The following DICER1 variants were observed in gnomAD, a reference collection of about 807,000 sequenced individuals.
DICER1 encodes endoribonuclease Dicer.
In DICER1, 43 loss-of-function variants were observed where a neutral mutation model predicts 194.1. The ratio of observed to expected loss-of-function variants is 0.22; its 90% confidence interval spans 0.17 to 0.29. DICER1 has a LOEUF of 0.29. Among genes scored for constraint, DICER1 ranks in the 10% least tolerant of loss-of-function variants. DICER1 has a pLI of 1.00. For missense variants in DICER1, 1,608 were observed against 2,317.0 expected (o/e 0.69, Z 6.28); for synonymous variants, 832 against 820.5 (o/e 1.01, Z -0.24).
rs1893274304 is a variant in DICER1 at position 95,124,864 on chromosome 14, T to A, written c.904-196A>T. ...TTTCGTATGTATATGCCTAGAACCATCTCCTTTTTTCAATAAAATAATCAA... is the reference window on the plus strand; with the variant it reads ...TTTCGTATGTATATGCCTAGAACCAACTCCTTTTTTCAATAAAATAATCAA... On this transcript the variant is annotated intron_variant, in intron 7 of 26. Coordinates refer to ENST00000343455, the MANE Select transcript of DICER1 (RefSeq NM_177438.3). The surrounding 1 kb of genome is among the most constrained non-coding windows in gnomAD (Gnocchi z 4.5). 6.6e-6 allele frequency among the ~76,000 whole-genome samples: 1 copy of A among 152,144 alleles called. No individual in the cohort carries two copies. The highest frequency in any genetic ancestry group is 1.5e-5 in the Non-Finnish European group (1 of 68,028).
chr14:95,108,200 G>C lies in DICER1; in HGVS notation c.2437-107C>G. The C allele has an allele frequency of 2.3e-6, 3 of 1,282,796 alleles. No homozygotes were observed. Among genetic ancestry groups the C allele is most frequent in the Non-Finnish European group, 3.4e-6 (3 of 884,578 alleles). 79.5% of individuals were successfully genotyped at this position (1,282,796 alleles called of 1,614,324 possible). ...TGCTTTCTAGTGGAGAAATAGAAGA[G>C]GCACCTCGATCTTTAAATATTAAAC... On this transcript the variant is annotated intron_variant, in intron 15 of 26. Transcript: ENST00000343455.
chr14:95,133,439 T>C lies in DICER1; in HGVS notation c.20A>G (p.Gln7Arg), dbSNP rs117358479. MKSPAL[Q>R]PLSMAGLQLM... ...CTGCAGGCCTGCCATGCTGAGGGGTTGCAAAGCAGGGCTTTTCATTCATCC... is the reference window on the plus strand; with the variant it reads ...CTGCAGGCCTGCCATGCTGAGGGGTCGCAAAGCAGGGCTTTTCATTCATCC... The change falls in exon 2 of 27, where the codon CAA becomes CGA. Residue 7 changes from glutamine (Q) to arginine (R), a missense_variant. Physicochemically the swap from Gln to Arg is conservative, Grantham distance 43. Coordinates refer to ENST00000343455, the MANE Select transcript of DICER1 (RefSeq NM_177438.3). 3,738 of 1,613,722 alleles carry C rather than the reference T, an allele frequency of 2.3e-3. 5 individuals are homozygous for C. The highest frequency in any genetic ancestry group is 2.8e-3 in the Non-Finnish European group (3,317 of 1,179,800).
At chr14:95,106,354 T>C in intron 17 of DICER1, 131 bp from the exon 18 acceptor site, 3 of 723,666 alleles carry the variant, frequency 4.1e-6, no homozygotes, top group Non-Finnish European at 4.7e-6. Context: ...ACAATAAACA[T>C]CTGTATTCCA....
chr14:95,149,864 C>A (rs1476359591), intron 1 of DICER1, among the ~76,000 whole-genome samples: 1 of 152,112 alleles, frequency 6.6e-6, no homozygotes, highest in Non-Finnish European at 1.5e-5. Flanking sequence ...CTTTAAACAA[C>A]CCAAATTATT....
intron 14 of DICER1, 131 bp from the exon 15 acceptor site, chr14:95,108,634 C>A (rs1450596508): frequency 5.9e-6 from 5 of 849,724 alleles, no homozygotes; most frequent in Non-Finnish European, 9.7e-6. Context: ...ATACCCGAGG[C>A]ATGACACTTC....
rs1385329514 is a variant in DICER1 at position 95,124,651 on chromosome 14, A to C, written c.921T>G (p.Arg307=). 24 of 1,613,278 alleles carry C rather than the reference A, an allele frequency of 1.5e-5. No individual in the cohort carries two copies. Among genetic ancestry groups the C allele is most frequent in the African/African-American group, 2.7e-5 (2 of 74,924 alleles). The change falls in exon 8 of 27, where the codon CGT becomes CGG. Residue 307 remains arginine (R), a synonymous_variant. Coordinates refer to ENST00000343455, the MANE Select transcript of DICER1 (RefSeq NM_177438.3). This position sits in a 1 kb window ranked among gnomAD's most constrained non-coding sequence, Gnocchi z 4.5. ...AGGGTCCCAGAACTACCAATACGGC[A>C]CGACAGTCTGATAGTATCTACAAAA... The part of the protein sequence containing the change: ...LISKQILSDC[R]AVLVVLGPWC...
chr14:95,124,322 T>C lies in DICER1; in HGVS notation c.1250A>G (p.Asp417Gly), dbSNP rs1893199207. 3.1e-6 allele frequency: 5 copies of C among 1,613,892 alleles called. No homozygotes were observed. The highest frequency in any genetic ancestry group is 4.2e-6 in the Non-Finnish European group (5 of 1,179,820). Residue 417 changes from aspartate (D) to glycine (G), a missense_variant, in exon 8 of 27, where the codon GAT becomes GGT. By Grantham distance (94) the Asp-to-Gly change is moderately conservative. Around this residue, in one of 10 missense-constraint regions of DICER1, gnomAD observed 657 missense variants for 910.1 expected, o/e 0.72. Transcript: ENST00000343455. The surrounding 1 kb of genome is among the most constrained non-coding windows in gnomAD (Gnocchi z 4.5). ...DNYVSWSDSE[D>G]DDEDEEIEEK... ...TTCAATTTCTTCATCCTCATCATCA[T>C]CCTCAGAATCACTCCATGACACATA... is the stretch of plus-strand genomic sequence containing the variant.
intron 8 of DICER1, among the ~76,000 whole-genome samples, chr14:95,119,983 G>A (rs914298497): frequency 6.6e-6 from 1 of 152,096 alleles, no homozygotes; most frequent in Non-Finnish European, 1.5e-5. Context: ...CAATTAGAAT[G>A]AAAATAACAT....
chr14:95,141,440 T>C (rs1316374167), intron 1 of DICER1, among the ~76,000 whole-genome samples: 2 of 152,232 alleles, frequency 1.3e-5, no homozygotes, highest in Non-Finnish European at 2.9e-5. Context: ...CAACAAATAC[T>C]GATTTTGTTA....
At chr14:95,122,356 A>G (rs1279584544) in intron 8 of DICER1, among the ~76,000 whole-genome samples, 1 of 152,176 alleles carries the variant, frequency 6.6e-6, no homozygotes, top group Non-Finnish European at 1.5e-5. Flanking sequence ...TAATCCTTAT[A>G]TAATCCTAAA....
chr14:95,108,121 C>T lies in DICER1; in HGVS notation c.2437-28G>A, dbSNP rs1444119394. On this transcript the variant is annotated intron_variant, in intron 15 of 26. Transcript: ENST00000343455. ...TAGCAAAAGGAAATGTAAAGCACCCCTCAAAATTAACAGGTATTTTATTCC... is the reference window on the plus strand; with the variant it reads ...TAGCAAAAGGAAATGTAAAGCACCCTTCAAAATTAACAGGTATTTTATTCC... 6.5e-6 allele frequency: 10 copies of T among 1,538,410 alleles called. No individual in the cohort carries two copies. The South Asian group carries it at 7.8e-5, about 12-fold the overall frequency.
chr14:95,127,739 C>T (rs142026987), intron 6 of DICER1, among the ~76,000 whole-genome samples: 107 of 152,326 alleles, frequency 7.0e-4, no homozygotes, highest in African/African-American at 2.5e-3. Context: ...CTACGCTTGC[C>T]TGTTAGGTCT....
At chr14:95,136,903 T>C (rs1198394691) in intron 1 of DICER1, 3 of 152,200 alleles carry the variant, frequency 2.0e-5, no homozygotes, top group Non-Finnish European at 4.4e-5. Context: ...AACAATGGAC[T>C]TTCCAATTAA....
Position 95,089,720 on chromosome 14 carries a change from G to A in DICER1, c.*778C>T, listed in dbSNP as rs567306131. Reference sequence around the variant, plus strand: ...TAATAAGTTACAACTATACTAGTGAGTTGTAAGTATCACGCTGTCTCAACG... The same window carrying A: ...TAATAAGTTACAACTATACTAGTGAATTGTAAGTATCACGCTGTCTCAACG... On this transcript the variant is annotated 3_prime_UTR_variant, in exon 27 of 27. Coordinates refer to ENST00000343455, the MANE Select transcript of DICER1 (RefSeq NM_177438.3). 8.6e-6 allele frequency: 2 copies of A among 231,986 alleles called. No homozygotes were observed. Among genetic ancestry groups the A allele is most frequent in the Non-Finnish European group, 1.7e-5 (2 of 117,180 alleles). 14.4% of individuals were successfully genotyped at this position (231,986 alleles called of 1,614,324 possible). A position where few individuals can be genotyped will look rare whatever the true frequency, so the allele number is the denominator to read the frequency against.
chr14:95,157,028 C>T (rs560061247), intron 1 of DICER1, among the ~76,000 whole-genome samples: 2 of 151,952 alleles, frequency 1.3e-5, no homozygotes, highest in Admixed American at 6.6e-5. Context: ...AGAGCCGAGG[C>T]GGGCAGACGC....
At chr14:95,114,892 CCTAT>C (rs1301939542) in intron 11 of DICER1, among the ~76,000 whole-genome samples, 1 of 152,062 alleles carries the variant, frequency 6.6e-6, no homozygotes, top group African/African-American at 2.4e-5. Context: ...AAAATGACAG[CCTAT>C]CTATCTTCCA....
In DICER1 at chr14:95,106,150, A is replaced by G; in HGVS notation, c.2878T>C (p.Phe960Leu). ...AAAGTTTCATACTCAGGGGAAGGAA[A>G]TTTACTGAGTGGGGTAAGATCAGTG... ...VYTDLTPLSK[F>L]PSPEYETFAE... Residue 960 changes from phenylalanine to leucine, a missense_variant, in exon 18 of 27, where the codon TTT (phenylalanine) becomes CTT (leucine). Transcript: ENST00000343455. 1 of 1,613,982 alleles carries G rather than the reference A, an allele frequency of 6.2e-7. No individual in the cohort carries two copies. Among genetic ancestry groups the G allele is most frequent in the Non-Finnish European group, 8.5e-7 (1 of 1,179,836 alleles).
intron 4 of DICER1, among the ~76,000 whole-genome samples, chr14:95,131,045 T>C (rs1012162954): frequency 7.9e-5 from 12 of 152,192 alleles, no homozygotes; most frequent in African/African-American, 2.9e-4. Flanking sequence ...TTTGGGTTTT[T>C]TTCTGAGATG....
At chr14:95,154,190 G>A (rs187196716) in intron 1 of DICER1, among the ~76,000 whole-genome samples, 1 of 152,296 alleles carries the variant, frequency 6.6e-6, no homozygotes, top group African/African-American at 2.4e-5. Context: ...TCGTAAAAAG[G>A]AGTCGACCCT....
Sources: gnomAD v4.1 joint callset for allele counts (sites outside exome capture counted in the v4.1 genomes callset) on GRCh38, gnomAD v4.1.1 for gene constraint, gnomAD v4.1.1 regional missense constraint, Gnocchi (gnomAD v3.1) non-coding constraint, MANE v1.5 for transcripts, NCBI Gene and HGNC (gene_info 2026-07-23, HGNC 2026-07-21) for gene names.